The following ZNF419 variants were observed in gnomAD, a reference collection of about 807,000 sequenced individuals.
ZNF419 encodes zinc finger protein 419A.
ZNF419 carries 8 observed loss-of-function variants against 14.9 expected under a neutral mutation model. The ratio of observed to expected loss-of-function variants is 0.54; its 90% confidence interval spans 0.32 to 0.97. The LOEUF is 0.97. Ranked by LOEUF, ZNF419 falls within the 50% of genes least tolerant of loss-of-function variation. The probability of loss-of-function intolerance (pLI) is 0.04; values close to 1 mark genes in which losing one functional copy is unlikely to be tolerated. For synonymous variants in ZNF419, 211 were observed against 205.3 expected, an observed-to-expected ratio of 1.03 and a Z score of -0.24; for missense variants, 595 against 607.2, an observed-to-expected ratio of 0.98 and a Z score of 0.21.
rs201990893 is a variant in ZNF419 at position 57,493,781 on chromosome 19, T to C, written c.1224T>C (p.Phe408=). Residue 408 remains phenylalanine, a synonymous_variant, in exon 5 of 5, where the codon TTT becomes TTC. Transcript: ENST00000221735. ...AGTGCAATGAATGTGGGAGATTCTTTAGAGAGAATTCCACCCTAGTTAGAC... is the reference window on the plus strand; with the variant it reads ...AGTGCAATGAATGTGGGAGATTCTTCAGAGAGAATTCCACCCTAGTTAGAC... ...PFKCNECGRF[F]RENSTLVRHQ... is the part of the protein sequence containing the mutation. 29 of 1,614,040 alleles carry C rather than the reference T, an allele frequency of 1.8e-5. No homozygotes were observed. The Middle Eastern group carries it at 1.3e-3, about 73-fold the overall frequency.
chr19:57,491,363 T>G, intron 2 of ZNF419, 108 bp from the exon 3 acceptor site: 6 of 1,533,308 alleles, frequency 3.9e-6, no homozygotes, highest in Non-Finnish European at 5.3e-6. Context: ...GTCTCTCCTC[T>G]GAGATGGGGA....
chr19:57,489,193 G>C (rs2089426289), intron 1 of ZNF419: 1 of 152,248 alleles, frequency 6.6e-6, no homozygotes, highest in African/African-American at 2.4e-5. Context: ...AGGCAGCCAG[G>C]TTGCCAAAAG....
rs1391472840 is a variant in ZNF419 at position 57,493,799 on chromosome 19, A to G, written c.1242A>G (p.Leu414=). The change falls in exon 5 of 5, where the codon CTA becomes CTG. Residue 414 remains leucine, a synonymous_variant. Coordinates refer to ENST00000221735, the MANE Select transcript of ZNF419 (RefSeq NM_024691.4). ...GATTCTTTAGAGAGAATTCCACCCT[A>G]GTTAGACATCAGAGGGTTCACACTG... The part of the protein sequence containing the change: ...CGRFFRENST[L]VRHQRVHTGA... 2 of 1,613,544 alleles carry G rather than the reference A, an allele frequency of 1.2e-6. No individual in the cohort carries two copies. The highest frequency in any genetic ancestry group is 2.2e-5 in the East Asian group (1 of 44,812).
In ZNF419 at chr19:57,491,598, G is replaced by A. The variant is rs2089486225; in HGVS notation, c.199+1G>A. The stretch of plus-strand genomic sequence containing the variant: ...AACTTTACACTTCTGGCCTCTCTGG[G>A]TAAGGTTCTCACACCCCACCCCAGC... On this transcript the variant is annotated splice_donor_variant, in intron 3 of 4. Transcript: ENST00000221735. LOFTEE classifies it high-confidence loss of function. 6.2e-7 allele frequency: 1 copy of A among 1,614,132 alleles called. No individual in the cohort carries two copies. The highest frequency in any genetic ancestry group is 8.5e-7 in the Non-Finnish European group (1 of 1,180,024).
intron 1 of ZNF419, 63 bp downstream of exon 1, chr19:57,488,046 G>A (rs1411099616): frequency 3.7e-6 from 6 of 1,606,228 alleles, no homozygotes; most frequent in Non-Finnish European, 5.1e-6. Context: ...CGCCTGCTCA[G>A]GTCCCCGGGT....
At chr19:57,492,055 C>G in intron 3 of ZNF419, 58 bp from the exon 4 acceptor site, 1 of 1,378,224 alleles carries the variant, frequency 7.3e-7, no homozygotes, top group Non-Finnish European at 1.0e-6. Context: ...TTCCTGTGGT[C>G]CATGATGAGA....
rs555795161 is a variant in ZNF419 at position 57,493,392 on chromosome 19, A to C, written c.835A>C (p.Arg279=). 8.1e-6 allele frequency: 13 copies of C among 1,614,076 alleles called. No homozygotes were observed. The highest frequency in any genetic ancestry group is 1.3e-5 in the African/African-American group (1 of 74,922). The part of the protein sequence containing the change: ...SRNAHLIEHQ[R]VHTGEKPFTC... ...TAATGCTCACCTCATTGAACACCAG[A>C]GAGTTCACACTGGAGAAAAGCCTTT... Residue 279 remains arginine, a synonymous_variant, in exon 5 of 5, where the codon AGA becomes CGA. Transcript: ENST00000221735.
Position 57,494,254 on chromosome 19 carries a change from G to C in ZNF419, c.*164G>C, listed in dbSNP as rs2089578842. ...GGACAATGTAGTGAATATGGAAAAAGGTTTCAGCCAAAGGCCTAACCCTAT... is the reference window on the plus strand; with the variant it reads ...GGACAATGTAGTGAATATGGAAAAACGTTTCAGCCAAAGGCCTAACCCTAT... On this transcript the variant is annotated 3_prime_UTR_variant, in exon 5 of 5. Transcript: ENST00000221735. 1 of 1,154,498 alleles carries C rather than the reference G, an allele frequency of 8.7e-7. No homozygotes were observed. Among genetic ancestry groups the C allele is most frequent in the East Asian group, 2.6e-5 (1 of 39,002 alleles). The allele number at this position is 1,154,498 out of a possible 1,614,324, so 71.5% of individuals were successfully genotyped here. A position where few individuals can be genotyped will look rare whatever the true frequency, so the allele number is the denominator to read the frequency against.
In ZNF419 at chr19:57,493,879, C is replaced by A. The variant is rs747426100; in HGVS notation, c.1322C>A (p.Thr441Asn). ...GGGAAATTTTTTAGCCAAAGCTCAA[C>A]CCTCATGCAACATCGAAAAGTTCAC... ...ECGKFFSQSS[T>N]LMQHRKVHIG... is the part of the protein sequence containing the mutation. The change falls in exon 5 of 5, where the codon ACC becomes AAC. Residue 441 changes from threonine to asparagine, a missense_variant. Coordinates refer to ENST00000221735, the MANE Select transcript of ZNF419 (RefSeq NM_024691.4). 6 of 1,607,912 alleles carry A rather than the reference C, an allele frequency of 3.7e-6. No homozygotes were observed. Among genetic ancestry groups the A allele is most frequent in the African/African-American group, 1.4e-5 (1 of 72,926 alleles).
Position 57,493,361 on chromosome 19 carries a change from T to C in ZNF419, c.804T>C (p.Phe268=), listed in dbSNP as rs761771734. 3 of 1,614,194 alleles carry C rather than the reference T, an allele frequency of 1.9e-6. No homozygotes were observed. Among genetic ancestry groups the C allele is most frequent in the Non-Finnish European group, 1.7e-6 (2 of 1,180,030 alleles). Residue 268 remains phenylalanine (F), a synonymous_variant, in exon 5 of 5, where the codon TTT becomes TTC. Coordinates refer to ENST00000221735, the MANE Select transcript of ZNF419 (RefSeq NM_024691.4). ...GGTGTAGTAACTGTGGAAAATCCTT[T>C]AGCCGTAATGCTCACCTCATTGAAC... ...PYGCSNCGKS[F]SRNAHLIEHQ...
In ZNF419 at chr19:57,487,782, C is replaced by G. The variant is rs534566039; in HGVS notation, c.-169C>G. 1 of 912,278 alleles carries G rather than the reference C, an allele frequency of 1.1e-6. No homozygotes were observed. Among genetic ancestry groups the G allele is most frequent in the South Asian group, 1.5e-5 (1 of 65,578 alleles). The allele number at this position is 912,278 out of a possible 1,614,324, so 56.5% of individuals were successfully genotyped here. A position where few individuals can be genotyped will look rare whatever the true frequency, so the allele number is the denominator to read the frequency against. On this transcript the variant is annotated 5_prime_UTR_variant, in exon 1 of 5. Coordinates refer to ENST00000221735, the MANE Select transcript of ZNF419 (RefSeq NM_024691.4). ...ACTTTCGCGACTCAGGTGAACTAAC[C>G]TGCGAGAAGCTGGTTGTGCGCTGAG...
Position 57,493,098 on chromosome 19 carries a change from C to G in ZNF419, c.541C>G (p.His181Asp). Residue 181 changes from histidine to aspartate, a missense_variant, in exon 5 of 5, where the codon CAC becomes GAC. Coordinates refer to ENST00000221735, the MANE Select transcript of ZNF419 (RefSeq NM_024691.4). Reference protein sequence around the residue: ...SSGVLKHQVTHTGEKSHRSSK... With the variant: ...SSGVLKHQVTDTGEKSHRSSK... ...AGGTGTTCTCAAGCACCAGGTGACT[C>G]ACACAGGAGAGAAGTCACATAGGAG... The G allele has an allele frequency of 6.2e-7, 1 of 1,614,116 alleles. No homozygotes were observed. The highest frequency in any genetic ancestry group is 8.5e-7 in the Non-Finnish European group (1 of 1,179,988).
intron 1 of ZNF419, chr19:57,489,361 C>T (rs1465847183): frequency 6.6e-6 from 1 of 151,964 alleles, no homozygotes; most frequent in Non-Finnish European, 1.5e-5. Flanking sequence ...GTAAGCACTT[C>T]ATAATTGGTT....
chr19:57,489,066 G>A (rs993417833), intron 1 of ZNF419: 1 of 152,312 alleles, frequency 6.6e-6, no homozygotes, highest in African/African-American at 2.4e-5. Flanking sequence ...ACGTCAGCCA[G>A]GCTGCTGGAG....
At position 57,494,118 on chromosome 19, in the gene ZNF419, C is replaced by A; in HGVS notation, c.*28C>A. 6.4e-7 allele frequency: 1 copy of A among 1,550,404 alleles called. No individual in the cohort carries two copies. The highest frequency in any genetic ancestry group is 1.3e-5 in the South Asian group (1 of 79,124). On this transcript the variant is annotated 3_prime_UTR_variant, in exon 5 of 5. Transcript: ENST00000221735. ...GTGTGAAATCCTTTAGCCAGCGTTT[C>A]AACCTCATTCAACACCAGAAAGTTC...
chr19:57,492,734 C>A, intron 4 of ZNF419, 122 bp from the exon 5 acceptor site: 1 of 1,333,854 alleles, frequency 7.5e-7, no homozygotes, highest in Non-Finnish European at 1.1e-6. Context: ...GAGAGCTAGC[C>A]CTCTTTATTT....
intron 4 of ZNF419, 96 bp downstream of exon 4, chr19:57,492,307 G>A (rs2089505804): frequency 5.9e-6 from 8 of 1,355,608 alleles, no homozygotes; most frequent in Non-Finnish European, 8.5e-6. Context: ...GCAAGGGGTT[G>A]TCGCTGATTT....
In ZNF419 at chr19:57,494,807, G is replaced by A. The variant is rs1274919538; in HGVS notation, c.*717G>A. ...TCAAATTTTAAGAACTTGCCAAATTGTGTTCTAAATGGTTAGCATTTCATA... is the reference window on the plus strand; with the variant it reads ...TCAAATTTTAAGAACTTGCCAAATTATGTTCTAAATGGTTAGCATTTCATA... On this transcript the variant is annotated 3_prime_UTR_variant, in exon 5 of 5. Coordinates refer to ENST00000221735, the MANE Select transcript of ZNF419 (RefSeq NM_024691.4). 5.3e-5 allele frequency: 9 copies of A among 170,332 alleles called. No individual in the cohort carries two copies. Among genetic ancestry groups the A allele is most frequent in the Non-Finnish European group, 9.9e-5 (8 of 80,440 alleles). The allele number at this position is 170,332 out of a possible 1,614,324, so 10.6% of individuals were successfully genotyped here. A position where few individuals can be genotyped will look rare whatever the true frequency, so the allele number is the denominator to read the frequency against.
Position 57,491,486 on chromosome 19 carries a change from G to C in ZNF419, c.88G>C (p.Glu30Gln). 2.5e-6 allele frequency: 4 copies of C among 1,614,106 alleles called. No individual in the cohort carries two copies. Among genetic ancestry groups the C allele is most frequent in the Non-Finnish European group, 3.4e-6 (4 of 1,180,018 alleles). ...ATCTTAGCAGGGCTATGTGACCTTT[G>C]AGGATGTGGCTGTCTACTTCTCCCA... ...TDHEEGYVTF[E>Q]DVAVYFSQEE... Residue 30 changes from glutamate (E) to glutamine (Q), a missense_variant, in exon 3 of 5, where the codon GAG (glutamate) becomes CAG (glutamine). Coordinates refer to ENST00000221735, the MANE Select transcript of ZNF419 (RefSeq NM_024691.4).
Sources: allele counts gnomAD v4.1 joint callset, GRCh38; gene constraint gnomAD v4.1.1; transcripts MANE v1.5; gene names NCBI Gene and HGNC (gene_info 2026-07-23, HGNC 2026-07-21).